The following ARHGAP39 variants were observed in gnomAD, a reference collection of about 807,000 sequenced individuals.
ARHGAP39 encodes the protein Rho GTPase activating protein 39, also known as rho GTPase-activating protein 39.
Under a neutral mutation model 106.9 loss-of-function variants are expected in ARHGAP39, and 44 were observed. That is an observed-to-expected ratio of 0.41 (90% CI 0.32 to 0.53). The LOEUF (loss-of-function observed/expected upper bound fraction) is 0.53, where lower values mean the gene tolerates loss of function less well. Among genes scored for constraint, ARHGAP39 ranks in the 20% least tolerant of loss-of-function variants. The pLI is 0.21. For missense variants in ARHGAP39, 1,496 were observed against 1,577.3 expected (o/e 0.95, Z 0.87); for synonymous variants, 768 against 693.2 (o/e 1.11, Z -1.69).
chr8:144,627,991 C>A (rs906936563), intron 1 of ARHGAP39, among the ~76,000 whole-genome samples: 2 of 152,212 alleles, frequency 1.3e-5, no homozygotes, highest in Admixed American at 6.5e-5. Flanking sequence ...GCATGCAGAC[C>A]AATGCAGTGG....
At chr8:144,565,294 A>G (rs981449383) in intron 3 of ARHGAP39, among the ~76,000 whole-genome samples, 2 of 151,588 alleles carry the variant, frequency 1.3e-5, no homozygotes, top group Non-Finnish European at 2.9e-5. Flanking sequence ...ACCAAACCAA[A>G]CCCACCACTA....
chr8:144,589,058 G>A (rs889637782), intron 2 of ARHGAP39, among the ~76,000 whole-genome samples: 9 of 152,152 alleles, frequency 5.9e-5, no homozygotes, highest in African/African-American at 2.2e-4. Context: ...CATAAGGTGT[G>A]GATTCCGTTA....
chr8:144,658,401 A>C (rs1211844268), intron 1 of ARHGAP39, among the ~76,000 whole-genome samples: 1 of 152,110 alleles, frequency 6.6e-6, no homozygotes, highest in African/African-American at 2.4e-5. Flanking sequence ...CAGCCTCCCA[A>C]GTAGCTGGGA....
intron 3 of ARHGAP39, among the ~76,000 whole-genome samples, chr8:144,565,954 C>T (rs554060565): frequency 4.0e-5 from 6 of 148,368 alleles, no homozygotes; most frequent in East Asian, 2.0e-4. Flanking sequence ...AGGCTGGGTA[C>T]GGAAGTCAGC....
chr8:144,596,752 A>G (rs1392108926), intron 2 of ARHGAP39, among the ~76,000 whole-genome samples: 1 of 152,208 alleles, frequency 6.6e-6, no homozygotes, highest in African/African-American at 2.4e-5. Context: ...GATAAGAAAC[A>G]GCACACAGAC....
chr8:144,600,203 G>A (rs1227762476), intron 2 of ARHGAP39, among the ~76,000 whole-genome samples: 11 of 151,776 alleles, frequency 7.2e-5, no homozygotes. Context: ...ACCTGCGTGT[G>A]CGTGTGTGTG....
At chr8:144,668,830 T>A (rs892245724) in intron 1 of ARHGAP39, among the ~76,000 whole-genome samples, 1 of 151,714 alleles carries the variant, frequency 6.6e-6, no homozygotes, top group Non-Finnish European at 1.5e-5. Flanking sequence ...CAGGCTGAAG[T>A]TCATATGGAA....
intron 6 of ARHGAP39, 23 bp downstream of exon 6, chr8:144,545,226 G>A (rs762467776): frequency 6.7e-7 from 1 of 1,487,468 alleles, no homozygotes; most frequent in Non-Finnish European, 9.0e-7. Flanking sequence ...TGAGCTGGTG[G>A]CAAAGCCCGT....
intron 3 of ARHGAP39, among the ~76,000 whole-genome samples, chr8:144,569,644 T>A (rs1187565299): frequency 1.3e-5 from 2 of 151,824 alleles, no homozygotes; most frequent in Admixed American, 6.6e-5. Context: ...CAGAGACAGG[T>A]GGGAGGGGAA....
the ARHGAP39 span, among the ~76,000 whole-genome samples, chr8:144,698,297 C>T: frequency 6.6e-6 from 1 of 152,298 alleles, no homozygotes; most frequent in Non-Finnish European, 1.5e-5. Context: ...TGAAAGCAGC[C>T]TGAGGCCTCA....
chr8:144,604,861 G>A lies in ARHGAP39; in HGVS notation c.80+674C>T, dbSNP rs914926068. ...ACCCCCAAAAGCATTCAGAGGCGACGGGAGCAATGCTAGCCACAGGGTCTC... is the reference window on the plus strand; with the variant it reads ...ACCCCCAAAAGCATTCAGAGGCGACAGGAGCAATGCTAGCCACAGGGTCTC... On this transcript the variant is annotated intron_variant, in intron 2 of 11. Coordinates refer to ENST00000377307, the MANE Select transcript of ARHGAP39 (RefSeq NM_025251.3). The surrounding 1 kb of genome is among the most constrained non-coding windows in gnomAD (Gnocchi z 4.1). Among the ~76,000 whole-genome samples, 6 of 152,230 alleles carry A rather than the reference G, an allele frequency of 3.9e-5. No individual in the cohort carries two copies. The highest frequency in any genetic ancestry group is 2.1e-4 in the South Asian group (1 of 4,836).
At chr8:144,555,438 T>C in intron 4 of ARHGAP39, 122 bp downstream of exon 4, 1 of 906,176 alleles carries the variant, frequency 1.1e-6, no homozygotes, top group South Asian at 1.4e-5. Context: ...TCCACGGCCT[T>C]TCCAGCTCTG....
intron 1 of ARHGAP39, among the ~76,000 whole-genome samples, chr8:144,624,156 C>T (rs139875968): frequency 4.7e-4 from 71 of 152,328 alleles, no homozygotes; most frequent in Non-Finnish European, 8.1e-4. Context: ...CATACGAGGT[C>T]GGCCCTGTAA....
chr8:144,582,819 A>G (rs1313673683), intron 2 of ARHGAP39, among the ~76,000 whole-genome samples: 1 of 152,172 alleles, frequency 6.6e-6, no homozygotes, highest in African/African-American at 2.4e-5. Flanking sequence ...CTGCAGGGGA[A>G]GGCAGATGAG....
chr8:144,635,289 G>A (rs1227364637), intron 1 of ARHGAP39, among the ~76,000 whole-genome samples: 1 of 152,180 alleles, frequency 6.6e-6, no homozygotes, highest in Non-Finnish European at 1.5e-5. Context: ...GGTTAAGTTG[G>A]TCACCAACGG....
chr8:144,545,583 C>T lies in ARHGAP39; in HGVS notation c.2187G>A (p.Lys729=). The change falls in exon 6 of 12, where the codon AAG becomes AAA. Residue 729 remains lysine (K), a synonymous_variant. Coordinates refer to ENST00000377307, the MANE Select transcript of ARHGAP39 (RefSeq NM_025251.3). Reference sequence around the variant, plus strand: ...GCCGGTCGCTTGTCACGATCATGGGCTTCTTGATGGACTCGCTGCTCCAGG... The same window carrying T: ...GCCGGTCGCTTGTCACGATCATGGGTTTCTTGATGGACTCGCTGCTCCAGG... The part of the protein sequence containing the change: ...MLAWSSESIK[K]PMIVTSDRHV... 2 of 1,613,802 alleles carry T rather than the reference C, an allele frequency of 1.2e-6. No homozygotes were observed. The highest frequency in any genetic ancestry group is 1.1e-5 in the South Asian group (1 of 91,086).
At chr8:144,540,395 A>C (rs1817140892) in intron 6 of ARHGAP39, among the ~76,000 whole-genome samples, 1 of 152,194 alleles carries the variant, frequency 6.6e-6, no homozygotes, top group Non-Finnish European at 1.5e-5. Flanking sequence ...CAGAATAAAT[A>C]AATACATGCG....
chr8:144,573,081 A>G (rs190337721), intron 3 of ARHGAP39, among the ~76,000 whole-genome samples: 27 of 152,308 alleles, frequency 1.8e-4, no homozygotes, highest in Non-Finnish European at 3.7e-4. Flanking sequence ...ATACCATTTG[A>G]CCCAGCCATC....
the ARHGAP39 span, among the ~76,000 whole-genome samples, chr8:144,691,585 G>A: frequency 6.6e-6 from 1 of 152,168 alleles, no homozygotes. Flanking sequence ...TTCCTCATAG[G>A]CTGAGTACTA....
Sources: allele counts gnomAD v4.1 joint callset (sites outside exome capture counted in the v4.1 genomes callset), GRCh38; gene constraint gnomAD v4.1.1; non-coding constraint Gnocchi (gnomAD v3.1); transcripts MANE v1.5; gene names NCBI Gene and HGNC (gene_info 2026-07-23, HGNC 2026-07-21).